The following C3 variants were observed in gnomAD, a reference collection of about 807,000 sequenced individuals.
C3 encodes the protein complement C3.
In C3, 97 loss-of-function variants were observed where a neutral mutation model predicts 207.9. That is an observed-to-expected ratio of 0.47 (90% confidence interval 0.40 to 0.55). C3 has a LOEUF of 0.55. Ranked by LOEUF, C3 falls within the 20% of genes least tolerant of loss-of-function variation. The probability of loss-of-function intolerance (pLI) is 0.00; values close to 1 mark genes in which losing one functional copy is unlikely to be tolerated. For synonymous variants in C3, 848 were observed against 857.6 expected (o/e 0.99, Z 0.20); for missense variants, 1,684 against 2,171.7 (o/e 0.78, Z 4.46).
At chr19:6,713,617 C>T in intron 7 of C3, 108 bp from the exon 8 acceptor site, 1 of 870,578 alleles carries the variant, frequency 1.1e-6, no homozygotes, top group East Asian at 2.6e-5. Context: ...CCACTGCTGG[C>T]CTCTCACCTG....
chr19:6,685,555 A>T (rs1390151366), intron 29 of C3, among the ~76,000 whole-genome samples: 2 of 152,218 alleles, frequency 1.3e-5, no homozygotes, highest in Admixed American at 1.3e-4. Flanking sequence ...CATATAATCT[A>T]CAACCCAAGA....
At chr19:6,696,229 AAT>A (rs1420248275) in intron 23 of C3, 148 bp downstream of exon 23, 21 of 611,180 alleles carry the variant, frequency 3.4e-5, no homozygotes, top group Non-Finnish European at 4.7e-5. Context: ...AAAAAAAAAA[AAT>A]GTAAAAGAGG....
chr19:6,700,372 ATTATATATG>A (rs1967623869), intron 19 of C3, among the ~76,000 whole-genome samples: 1 of 90,990 alleles, frequency 1.1e-5, no homozygotes, highest in African/African-American at 5.2e-5. Flanking sequence ...AATATGATAT[ATTATATATG>A]TAATATATGA....
intron 30 of C3, 75 bp downstream of exon 30, chr19:6,684,913 C>T: frequency 1.2e-6 from 2 of 1,610,020 alleles, no homozygotes; most frequent in South Asian, 2.2e-5. Context: ...GGCCCTCCCT[C>T]TTGCTTCCCA....
intron 19 of C3, among the ~76,000 whole-genome samples, chr19:6,699,833 C>A (rs1293628530): frequency 6.6e-6 from 1 of 151,382 alleles, no homozygotes; most frequent in East Asian, 1.9e-4. Context: ...TGTGGTTTTG[C>A]AACTTTTTAC....
At chr19:6,689,287 A>ACCCCACAGTCCCCCCCCCC (rs747719619) in intron 27 of C3, among the ~76,000 whole-genome samples, 1 of 101,630 alleles carries the variant, frequency 9.8e-6, no homozygotes. Flanking sequence ...GATTTGTCTG[A>ACCCCACAGTCCCCCCCCCC]CCCCACCTCT....
At position 6,688,276 on chromosome 19, in the gene C3, G is replaced by GC. The variant is rs549400077; in HGVS notation, c.3490-1375dup. On this transcript the variant is annotated intron_variant, in intron 27 of 40. Coordinates refer to ENST00000245907, the MANE Select transcript of C3 (RefSeq NM_000064.4). ...CTCCTGCGTAGCTGGGATTACAGGC[G>GC]CCCCCCTCCACCATGCCCGGCTAAT... is the stretch of plus-strand genomic sequence containing the variant. 3.0e-3 allele frequency among the ~76,000 whole-genome samples: 458 copies of GC among 151,586 alleles called. 8 individuals carry two copies. In the East Asian group the frequency reaches 0.04, roughly 13 times the overall value.
chr19:6,702,927 T>G lies in C3; in HGVS notation c.2246-348A>C, dbSNP rs1967705034. On this transcript the variant is annotated intron_variant, in intron 17 of 40. Coordinates refer to ENST00000245907, the MANE Select transcript of C3 (RefSeq NM_000064.4). The stretch of plus-strand genomic sequence containing the variant: ...CGCGTGCCTGTGATCCCAGCTACTG[T>G]GGAGGCTGAGGCAGCAGAATCACTT... 3 of 331,996 alleles carry G rather than the reference T, an allele frequency of 9.0e-6. No individual in the cohort carries two copies. The Admixed American group carries it at 1.2e-4, about 14-fold the overall frequency. The allele number at this position is 331,996 out of a possible 1,614,324, so 20.6% of individuals were successfully genotyped here. A position where few individuals can be genotyped will look rare whatever the true frequency, so the allele number is the denominator to read the frequency against.
At chr19:6,682,563 T>C (rs1371925272) in intron 33 of C3, 4 of 356,624 alleles carry the variant, frequency 1.1e-5, no homozygotes, top group Non-Finnish European at 1.6e-5. Context: ...CATGATTCAG[T>C]TAAATAACAC....
intron 15 of C3, 89 bp from the exon 16 acceptor site, chr19:6,707,626 G>A (rs1457339129): frequency 7.2e-6 from 11 of 1,538,188 alleles, no homozygotes; most frequent in Admixed American, 6.7e-5. Context: ...AGGTGGGGGT[G>A]TTCCTGCTCC....
chr19:6,713,948 G>C (rs1967977848), intron 7 of C3, 44 bp downstream of exon 7: 1 of 1,302,782 alleles, frequency 7.7e-7, no homozygotes. Context: ...TCTTCACCTG[G>C]TCCCTCACCT....
chr19:6,697,400 C>T lies in C3; in HGVS notation c.2740G>A (p.Ala914Thr). 1.2e-6 allele frequency: 2 copies of T among 1,614,026 alleles called. No homozygotes were observed. Among genetic ancestry groups the T allele is most frequent in the Non-Finnish European group, 1.7e-6 (2 of 1,180,010 alleles). The change falls in exon 21 of 41, where the codon GCT (alanine) becomes ACT (threonine). Residue 914 changes from alanine (A) to threonine (T), a missense_variant. By Grantham distance (58) the Ala-to-Thr change is moderately conservative. Transcript: ENST00000245907. ...CTGATGAAATGATGGTAGACAGCAG[C>T]CTTGACTTCCACTTCCTGCAGGCCG... ...KTGLQEVEVK[A>T]AVYHHFISDG...
At position 6,712,390 on chromosome 19, in the gene C3, G is replaced by A; in HGVS notation, c.1136C>T (p.Pro379Leu). The change falls in exon 11 of 41, where the codon CCT (proline) becomes CTT (leucine). Residue 379 changes from proline (P) to leucine (L), a missense_variant. Physicochemically the swap from Pro to Leu is moderately conservative, Grantham distance 98. This residue lies in a region of C3 where 1,280 missense variants were observed against 1,739.1 expected (regional missense o/e 0.74). Transcript: ENST00000245907. ...GACTCGGTAGGCTGGAGAGCCATCAGGGTTCGTCACGAACACCTGTGATGT... is the reference window on the plus strand; with the variant it reads ...GACTCGGTAGGCTGGAGAGCCATCAAGGTTCGTCACGAACACCTGTGATGT... The part of the protein sequence containing the change: ...PFDLMVFVTN[P>L]DGSPAYRVPV... 6.2e-7 allele frequency: 1 copy of A among 1,614,156 alleles called. No individual in the cohort carries two copies.
rs1180309648 is a variant in C3, at chr19:6,692,868, C to A, written c.3390+56G>T. 4.4e-6 allele frequency: 7 copies of A among 1,590,490 alleles called. No homozygotes were observed. The African/African-American group carries it at 9.4e-5, about 21-fold the overall frequency. ...AGGTGGGGCTCTCTCTCGTGTTCAT[C>A]CTGCGAGACTCAGGAGCCCCTCTCT... On this transcript the variant is annotated intron_variant, in intron 26 of 40. Coordinates refer to ENST00000245907, the MANE Select transcript of C3 (RefSeq NM_000064.4).
At chr19:6,704,002 T>C (rs1435232328) in intron 17 of C3, among the ~76,000 whole-genome samples, 2 of 151,816 alleles carry the variant, frequency 1.3e-5, no homozygotes, top group Non-Finnish European at 2.9e-5. Flanking sequence ...AAAATCTCGA[T>C]AGGCTGGATG....
Position 6,707,855 on chromosome 19 carries a change from G to T in C3, c.1920C>A (p.Ser640=). 6.2e-7 allele frequency: 1 copy of T among 1,613,948 alleles called. No homozygotes were observed. The highest frequency in any genetic ancestry group is 8.5e-7 in the Non-Finnish European group (1 of 1,180,006). ...TGCTCGTGAAGGTCAGCCCTGCGTC[G>T]GAGAAGACACCGGCGTAATCCTTCC... ...GSGKDYAGVF[S]DAGLTFTSSS... Residue 640 remains serine, a synonymous_variant, in exon 15 of 41, where the codon TCC becomes TCA. Coordinates refer to ENST00000245907, the MANE Select transcript of C3 (RefSeq NM_000064.4).
rs1222637757 is a variant in C3, at chr19:6,678,233, CACTTGATGGGGCTGATGA to C, written c.4751_4768del (p.Phe1584_Lys1589del). ...CTCCTCCAGCTTCAGGGCTTCTCTG[CACTTGATGGGGCTGATGA>C]ACGTGCGCTGCTGTCCAACCTGCAC... On this transcript the variant is annotated inframe_deletion, in exon 40 of 41. Transcript: ENST00000245907. The C allele has an allele frequency of 6.2e-7, 1 of 1,614,224 alleles. No individual in the cohort carries two copies. The highest frequency in any genetic ancestry group is 2.2e-5 in the East Asian group (1 of 44,884).
rs758728391 is a variant in C3 at position 6,702,124 on chromosome 19, C to T, written c.2440+3G>A. 6.4e-7 allele frequency: 1 copy of T among 1,561,050 alleles called. No homozygotes were observed. Among genetic ancestry groups the T allele is most frequent in the East Asian group, 2.2e-5 (1 of 44,594 alleles). Reference sequence around the variant, plus strand: ...CCGGGGACCAGCCAGCATCCTCTCTCACCTTTCTTGTCCGACATGCTCACA... The same window carrying T: ...CCGGGGACCAGCCAGCATCCTCTCTTACCTTTCTTGTCCGACATGCTCACA... On this transcript the variant is annotated splice_donor_region_variant and intron_variant, in intron 19 of 40. Coordinates refer to ENST00000245907, the MANE Select transcript of C3 (RefSeq NM_000064.4).
rs144524394 is a variant in C3, at chr19:6,710,831, G to A, written c.1494C>T (p.Gly498=). Residue 498 remains glycine, a synonymous_variant, in exon 13 of 41, where the codon GGC becomes GGT. Coordinates refer to ENST00000245907, the MANE Select transcript of C3 (RefSeq NM_000064.4). The stretch of plus-strand genomic sequence containing the variant: ...CCTGGCGTCCCGCCTTCAACAGCCT[G>A]CCCTTGTTCATGATCTGGGGGGACA... ...RYYTYLIMNK[G]RLLKAGRQVR... The A allele has an allele frequency of 3.7e-6, 6 of 1,613,864 alleles. No individual in the cohort carries two copies. The highest frequency in any genetic ancestry group is 1.3e-5 in the African/African-American group (1 of 75,068).
Sources: allele counts gnomAD v4.1 joint callset (sites outside exome capture counted in the v4.1 genomes callset), GRCh38; gene constraint gnomAD v4.1.1; regional missense constraint gnomAD v4.1.1; transcripts MANE v1.5; gene names NCBI Gene and HGNC (gene_info 2026-07-23, HGNC 2026-07-21).